ASTN2: variants seen among roughly 807,000 people sequenced by gnomAD.
ASTN2 encodes astrotactin 2.
ASTN2 carries 54 observed loss-of-function variants against 139.8 expected under a neutral mutation model. The ratio of observed to expected loss-of-function variants is 0.39; its 90% CI spans 0.31 to 0.48. ASTN2 has a LOEUF of 0.48. Among genes scored for constraint, ASTN2 ranks in the 20% least tolerant of loss-of-function variants. The pLI, the probability that ASTN2 is intolerant of heterozygous loss-of-function variation, is 0.95. For missense variants in ASTN2, 1,565 were observed against 1,725.1 expected, an observed-to-expected ratio of 0.91 and a Z score of 1.64; for synonymous variants, 756 against 719.5, an observed-to-expected ratio of 1.05 and a Z score of -0.81.
intron 16 of ASTN2, chr9:116,697,706 C>T: frequency 6.2e-7 from 1 of 1,612,428 alleles, no homozygotes; most frequent in Non-Finnish European, 8.5e-7. Context: ...CTGTTCAGTT[C>T]TGAGCTGTGC....
At chr9:117,346,513 A>C (rs1298829345) in intron 1 of ASTN2, among the ~76,000 whole-genome samples, 2 of 152,164 alleles carry the variant, frequency 1.3e-5, no homozygotes, top group African/African-American at 4.8e-5. Flanking sequence ...CTACAATCCT[A>C]TTATCTTAGT....
At chr9:116,674,806 T>C (rs1402672840) in intron 16 of ASTN2, among the ~76,000 whole-genome samples, 6 of 152,168 alleles carry the variant, frequency 3.9e-5, no homozygotes, top group Non-Finnish European at 5.9e-5. Flanking sequence ...CAACTCCCTA[T>C]GATTTCATCC....
At chr9:116,525,276 A>G (rs12237388) in intron 19 of ASTN2, among the ~76,000 whole-genome samples, 27,195 of 152,222 alleles carry the variant, frequency 0.18, 2,565 homozygotes, top group African/African-American at 0.24. Flanking sequence ...GAAATGTCTA[A>G]GCAGTAAAGG....
rs72762227 is a variant in ASTN2, at chr9:117,187,244, G to A, written c.1015+27114C>T. Among the ~76,000 whole-genome samples the A allele has an allele frequency of 8.2e-3, 1,249 of 152,238 alleles. 8 individuals carry two copies. Among genetic ancestry groups the A allele is most frequent in the Non-Finnish European group, 0.014 (938 of 68,010 alleles). ...TATTTTATACAGGCTGGTCAGGGAG[G>A]GCCTTAGGGTGCTATATGAAGAAAA... is the stretch of plus-strand genomic sequence containing the variant. On this transcript the variant is annotated intron_variant, in intron 3 of 22. Transcript: ENST00000313400.
intron 2 of ASTN2, among the ~76,000 whole-genome samples, chr9:117,240,485 G>A (rs1564498591): frequency 6.6e-6 from 1 of 152,140 alleles, no homozygotes; most frequent in Non-Finnish European, 1.5e-5. Flanking sequence ...CCAAACATAA[G>A]GTTGGTATGA....
intron 6 of ASTN2, among the ~76,000 whole-genome samples, chr9:117,023,050 G>T (rs550245114): frequency 6.6e-6 from 1 of 152,196 alleles, no homozygotes; most frequent in African/African-American, 2.4e-5. Flanking sequence ...GTAAAGGAAG[G>T]GGGAGGAATG....
intron 10 of ASTN2, among the ~76,000 whole-genome samples, chr9:116,878,733 C>T (rs1192447385): frequency 6.6e-6 from 1 of 151,954 alleles, no homozygotes; most frequent in African/African-American, 2.4e-5. Context: ...AAATTCTCCT[C>T]TTCACCCACC....
At chr9:117,126,005 C>A (rs1370473048) in intron 4 of ASTN2, among the ~76,000 whole-genome samples, 1 of 152,104 alleles carries the variant, frequency 6.6e-6, no homozygotes, top group Non-Finnish European at 1.5e-5. Context: ...AGCATTTTTC[C>A]ATCATGGAAT....
chr9:117,059,580 T>G (rs1839178452), intron 5 of ASTN2, among the ~76,000 whole-genome samples: 1 of 152,060 alleles, frequency 6.6e-6, no homozygotes, highest in Non-Finnish European at 1.5e-5. Context: ...GCCACTGCAC[T>G]CCAGCTTGGG....
At chr9:116,809,050 C>T (rs1001596209) in intron 12 of ASTN2, among the ~76,000 whole-genome samples, 3 of 151,854 alleles carry the variant, frequency 2.0e-5, no homozygotes, top group African/African-American at 7.3e-5. Flanking sequence ...TATCCTTCAC[C>T]TTCCATATAT....
intron 1 of ASTN2, among the ~76,000 whole-genome samples, chr9:117,390,850 T>C (rs1471490236): frequency 6.6e-6 from 1 of 152,212 alleles, no homozygotes; most frequent in African/African-American, 2.4e-5. Context: ...TTTGGGTATA[T>C]ACCCAGGAGT....
intron 3 of ASTN2, 103 bp downstream of exon 3, chr9:117,214,255 C>T: frequency 6.4e-6 from 9 of 1,403,710 alleles, no homozygotes; most frequent in East Asian, 2.3e-5. Flanking sequence ...AGTGGCTTAT[C>T]CCAGAAAACA....
At chr9:116,879,033 G>A (rs1833378008) in intron 10 of ASTN2, among the ~76,000 whole-genome samples, 2 of 151,946 alleles carry the variant, frequency 1.3e-5, no homozygotes, top group African/African-American at 2.4e-5. Context: ...GGGGGTTGCC[G>A]TGAGCCAGGA....
intron 10 of ASTN2, among the ~76,000 whole-genome samples, chr9:116,883,071 T>A (rs1833492452): frequency 1.3e-5 from 2 of 152,166 alleles, no homozygotes; most frequent in African/African-American, 4.8e-5. Flanking sequence ...ATGCAGATGA[T>A]GACATATGCA....
intron 2 of ASTN2, among the ~76,000 whole-genome samples, chr9:117,285,545 G>A (rs77142141): frequency 6.6e-4 from 100 of 152,194 alleles, no homozygotes; most frequent in African/African-American, 2.3e-3. Flanking sequence ...TCTTAGATTT[G>A]TGTGACATTT....
chr9:116,500,868 T>A (rs1181234347), intron 19 of ASTN2, among the ~76,000 whole-genome samples: 4 of 152,170 alleles, frequency 2.6e-5, no homozygotes. Flanking sequence ...AAAATACCAA[T>A]TCATGAAACA....
intron 3 of ASTN2, chr9:117,180,925 T>G (rs1382825447): frequency 6.3e-7 from 1 of 1,595,028 alleles, no homozygotes; most frequent in African/African-American, 1.3e-5. Flanking sequence ...GTTCTGCAGC[T>G]TGGTGTGGAT....
At chr9:116,501,612 T>A (rs1033214464) in intron 19 of ASTN2, among the ~76,000 whole-genome samples, 20 of 149,604 alleles carry the variant, frequency 1.3e-4, no homozygotes, top group Non-Finnish European at 2.1e-4. Flanking sequence ...TTTCTCCACA[T>A]CCTCTCCAGC....
intron 19 of ASTN2, chr9:116,612,838 G>A (rs1439580868): frequency 6.7e-6 from 1 of 150,242 alleles, no homozygotes; most frequent in Non-Finnish European, 1.5e-5. Context: ...ACACACAAAA[G>A]CTAGCAGAAG....
Sources: allele counts gnomAD v4.1 joint callset (sites outside exome capture counted in the v4.1 genomes callset), GRCh38; gene constraint gnomAD v4.1.1; transcripts MANE v1.5; gene names NCBI Gene and HGNC (gene_info 2026-07-23, HGNC 2026-07-21).